The following SYTL5 variants were observed in gnomAD, a reference collection of about 807,000 sequenced individuals.
SYTL5 encodes synaptotagmin-like protein 5.
A neutral mutation model predicts 55.9 loss-of-function variants in SYTL5; 34 were observed. The ratio of observed to expected loss-of-function variants is 0.61; its 90% confidence interval spans 0.46 to 0.81. The LOEUF is 0.81. SYTL5 is among the 30% of genes least tolerant of loss of function. The pLI is 0.00. For synonymous variants in SYTL5, 221 were observed against 188.7 expected, an observed-to-expected ratio of 1.17 and a Z score of -1.40; for missense variants, 637 against 546.7, an observed-to-expected ratio of 1.17 and a Z score of -1.65.
At chrX:37,957,958 C>T in the SYTL5 span, among the ~76,000 whole-genome samples, 823 of 112,021 alleles carry the variant, frequency 7.3e-3, 3 homozygotes, top group Non-Finnish European at 0.011. Flanking sequence ...CCTGTAATCC[C>T]AGCACTTTGG....
At chrX:37,906,443 C>A in the SYTL5 span, 1 of 111,747 alleles carries the variant, frequency 8.9e-6, no homozygotes, top group African/African-American at 3.3e-5. Flanking sequence ...CCCCCATTTT[C>A]CTCCGGTGTA....
At chrX:38,079,551 G>A (rs757391182) in intron 6 of SYTL5, among the ~76,000 whole-genome samples, 1 of 112,373 alleles carries the variant, frequency 8.9e-6, no homozygotes, top group South Asian at 3.7e-4. Context: ...GTGATGAGCT[G>A]TCACTGTGGT....
At chrX:37,906,326 C>A in the SYTL5 span, 7 of 112,071 alleles carry the variant, frequency 6.2e-5, no homozygotes, top group African/African-American at 2.3e-4. Flanking sequence ...CCCAGATAAA[C>A]AAAACTCTGG....
At chrX:38,084,679 T>G (rs1230581789) in intron 6 of SYTL5, among the ~76,000 whole-genome samples, 1 of 104,922 alleles carries the variant, frequency 9.5e-6, no homozygotes, top group African/African-American at 3.6e-5. Flanking sequence ...AAAACATACT[T>G]AGAGTTTTTC....
intron 2 of SYTL5, 65 bp from the exon 3 acceptor site, chrX:38,054,148 G>A: frequency 1.2e-6 from 1 of 823,609 alleles, no homozygotes; most frequent in South Asian, 2.3e-5. Flanking sequence ...CATTGTTTTA[G>A]ACATTGTAGA....
chrX:37,946,998 G>T, the SYTL5 span, among the ~76,000 whole-genome samples: 4 of 110,503 alleles, frequency 3.6e-5, no homozygotes, highest in African/African-American at 1.3e-4. Context: ...TGCAAAACTG[G>T]TCCCCTCTTC....
chrX:38,027,840 T>A (rs1934829473), intron 1 of SYTL5, among the ~76,000 whole-genome samples: 2 of 99,041 alleles, frequency 2.0e-5, no homozygotes, highest in Non-Finnish European at 3.9e-5. Context: ...TTTTTTTTTT[T>A]GAGATGGAGT....
chrX:38,053,678 G>A (rs1266371985), intron 2 of SYTL5, among the ~76,000 whole-genome samples: 1 of 111,906 alleles, frequency 8.9e-6, no homozygotes, highest in Admixed American at 9.5e-5. Context: ...CTACAATGAT[G>A]CTGAGTTTGA....
chrX:38,083,774 ATGTGTGTGTGTG>A (rs3068306), intron 6 of SYTL5, among the ~76,000 whole-genome samples: 5 of 94,327 alleles, frequency 5.3e-5, no homozygotes, highest in Non-Finnish European at 8.3e-5. Context: ...AAATAGACTC[ATGTGTGTGTGTG>A]TGTGTGTGTG....
At chrX:37,933,008 C>A in the SYTL5 span, among the ~76,000 whole-genome samples, 1 of 110,943 alleles carries the variant, frequency 9.0e-6, no homozygotes, top group African/African-American at 3.3e-5. Flanking sequence ...GCAGTTATGG[C>A]CTACAAGTGG....
chrX:37,910,417 T>C, the SYTL5 span, among the ~76,000 whole-genome samples: 1 of 112,417 alleles, frequency 8.9e-6, no homozygotes, highest in South Asian at 3.7e-4. Flanking sequence ...CAAATAGTTA[T>C]ATTTAGAGCC....
the SYTL5 span, among the ~76,000 whole-genome samples, chrX:37,923,802 A>G: frequency 9.0e-6 from 1 of 111,643 alleles, no homozygotes; most frequent in Non-Finnish European, 1.9e-5. Context: ...CTTATGATTT[A>G]ACTCTTTATT....
At chrX:38,094,958 G>C (rs1164522328) in intron 8 of SYTL5, among the ~76,000 whole-genome samples, 4 of 111,832 alleles carry the variant, frequency 3.6e-5, no homozygotes, top group African/African-American at 1.3e-4. Context: ...CTCTGAAGCA[G>C]CTATTATTCA....
chrX:38,106,345 A>G (rs972565685), intron 10 of SYTL5, among the ~76,000 whole-genome samples: 3 of 111,926 alleles, frequency 2.7e-5, no homozygotes, highest in East Asian at 2.8e-4. Context: ...CTCTAACCCA[A>G]GAAGGAAATG....
intron 3 of SYTL5, among the ~76,000 whole-genome samples, chrX:38,066,740 C>T (rs1257009692): frequency 9.0e-6 from 1 of 111,538 alleles, no homozygotes; most frequent in Non-Finnish European, 1.9e-5. Flanking sequence ...TTTCACCCTT[C>T]CTCAAAGCCC....
the SYTL5 span, among the ~76,000 whole-genome samples, chrX:37,950,094 T>C: frequency 8.9e-6 from 1 of 112,022 alleles, no homozygotes; most frequent in South Asian, 3.7e-4. Context: ...ATTTAAATCT[T>C]TGAGGAATGC....
the SYTL5 span, among the ~76,000 whole-genome samples, chrX:37,921,999 A>G: frequency 8.9e-6 from 1 of 112,058 alleles, no homozygotes; most frequent in East Asian, 2.8e-4. Context: ...TTGTTTCCTG[A>G]TGCTATTCAT....
At chrX:37,972,589 CTG>C in the SYTL5 span, among the ~76,000 whole-genome samples, 1 of 111,547 alleles carries the variant, frequency 9.0e-6, no homozygotes, top group Admixed American at 9.5e-5. Flanking sequence ...GAGTCAAACT[CTG>C]TAAAATATTT....
intron 6 of SYTL5, among the ~76,000 whole-genome samples, chrX:38,085,055 C>T (rs1936634978): frequency 9.0e-6 from 1 of 111,294 alleles, no homozygotes. Flanking sequence ...CACATTCACT[C>T]ACTAAGACAA....
Sources: allele counts gnomAD v4.1 joint callset (sites outside exome capture counted in the v4.1 genomes callset), GRCh38; gene constraint gnomAD v4.1.1; transcripts MANE v1.5; gene names NCBI Gene and HGNC (gene_info 2026-07-23, HGNC 2026-07-21).